The following LPP variants were observed in gnomAD, a reference collection of about 807,000 sequenced individuals.
LPP encodes LIM domain containing preferred translocation partner in lipoma, also known as lipoma-preferred partner.
In LPP, 38 loss-of-function variants were observed where a neutral mutation model predicts 60.4. The observed-to-expected ratio is 0.63, with a 90% CI of 0.49 to 0.83. The LOEUF (loss-of-function observed/expected upper bound fraction) is 0.83, where lower values mean the gene tolerates loss of function less well. LPP is among the 40% of genes least tolerant of loss of function. The pLI is 0.00. For missense variants in LPP, 902 were observed against 783.6 expected (o/e 1.15, Z -1.80); for synonymous variants, 328 against 290.8 (o/e 1.13, Z -1.30).
At chr3:188,377,971 C>G (rs1560321793) in intron 3 of LPP, among the ~76,000 whole-genome samples, 2 of 152,182 alleles carry the variant, frequency 1.3e-5, no homozygotes, top group Non-Finnish European at 2.9e-5. Context: ...TAGAGGTACA[C>G]TCCAGTCCCT....
At chr3:188,240,752 C>T (rs1724250668) in intron 2 of LPP, among the ~76,000 whole-genome samples, 3 of 152,190 alleles carry the variant, frequency 2.0e-5, no homozygotes, top group African/African-American at 7.2e-5. Context: ...GTGGGAGGAG[C>T]ATGGCAAGGG....
chr3:188,337,273 G>A (rs1016962937), intron 2 of LPP, among the ~76,000 whole-genome samples: 17 of 152,324 alleles, frequency 1.1e-4, no homozygotes, highest in Admixed American at 3.3e-4. Context: ...ACGGCATAGC[G>A]CAGTAGCTGC....
At chr3:188,596,913 G>A (rs1309386739) in intron 6 of LPP, among the ~76,000 whole-genome samples, 1 of 151,408 alleles carries the variant, frequency 6.6e-6, no homozygotes, top group African/African-American at 2.4e-5. Flanking sequence ...AGAAACTCTT[G>A]TATGAAAATA....
chr3:188,332,152 C>T (rs1760271985), intron 2 of LPP, among the ~76,000 whole-genome samples: 1 of 152,062 alleles, frequency 6.6e-6, no homozygotes, highest in African/African-American at 2.4e-5. Flanking sequence ...AGATTTCCTT[C>T]TAAACTTTTA....
chr3:188,816,174 G>A (rs1394889721), intron 9 of LPP, among the ~76,000 whole-genome samples: 2 of 147,764 alleles, frequency 1.4e-5, no homozygotes, highest in African/African-American at 5.0e-5. Context: ...CTTTATCTAA[G>A]CCTGAATTGT....
rs74872129 is a variant in LPP, at chr3:188,319,090, C to T, written c.-66-22573C>T. On this transcript the variant is annotated intron_variant, in intron 2 of 11. Coordinates refer to ENST00000617246, the MANE Select transcript of LPP (RefSeq NM_001375462.1). ...ATGATTCTTTGAAAAGGATTTTTCTCAGGTTAGTTTATATAGTTTCACAGA... is the reference window on the plus strand; with the variant it reads ...ATGATTCTTTGAAAAGGATTTTTCTTAGGTTAGTTTATATAGTTTCACAGA... Among the ~76,000 whole-genome samples, 1,140 of 152,260 alleles carry T rather than the reference C, an allele frequency of 7.5e-3. 55 individuals carry two copies. The South Asian group carries it at 0.12, about 16-fold the overall frequency.
At chr3:188,833,111 AGCAAATGATT>A (rs751972512) in intron 9 of LPP, among the ~76,000 whole-genome samples, 34 of 152,214 alleles carry the variant, frequency 2.2e-4, no homozygotes, top group Non-Finnish European at 4.6e-4. Flanking sequence ...GCTGTAAGTC[AGCAAATGATT>A]GCAAATGATG....
In LPP at chr3:188,318,753, C is replaced by CTTTTTTTTTTTTTTT. The variant is rs10708836; in HGVS notation, c.-66-22901_-66-22887dup. On this transcript the variant is annotated intron_variant, in intron 2 of 11. Transcript: ENST00000617246. ...AAAAAATTGAAAAAAAATTATGATT[C>CTTTTTTTTTTTTTTT]TTTTTTTTTTTTTTTTTTTTTTTGA... is the stretch of plus-strand genomic sequence containing the variant. Among the ~76,000 whole-genome samples the CTTTTTTTTTTTTTTT allele has an allele frequency of 8.3e-4, 80 of 96,830 alleles. 4 individuals are homozygous for CTTTTTTTTTTTTTTT. The highest frequency in any genetic ancestry group is 2.4e-3 in the Admixed American group (21 of 8,576). 63.5% of individuals were successfully genotyped at this position (96,830 alleles called of 152,430 possible).
chr3:188,171,535 G>A (rs1721586699), intron 1 of LPP, among the ~76,000 whole-genome samples: 1 of 152,202 alleles, frequency 6.6e-6, no homozygotes, highest in African/African-American at 2.4e-5. Flanking sequence ...TGATTGCAAT[G>A]GAGGCACAGA....
intron 4 of LPP, among the ~76,000 whole-genome samples, chr3:188,424,471 G>GT (rs1482682297): frequency 1.3e-5 from 2 of 152,074 alleles, no homozygotes; most frequent in African/African-American, 4.8e-5. Context: ...ATTTAAACTA[G>GT]TTTTTTCTAC....
chr3:188,609,125 G>T lies in LPP; in HGVS notation c.430-36G>T, dbSNP rs1255388247. ...TTGAGTTTCGTTGGCAGTAATTTTT[G>T]CTTTCTTTCTTTCTTTTTTTTCCTA... On this transcript the variant is annotated intron_variant, in intron 6 of 11. Transcript: ENST00000617246. The surrounding 1 kb of genome is among the most constrained non-coding windows in gnomAD (Gnocchi z 6.9). 5 of 1,430,446 alleles carry T rather than the reference G, an allele frequency of 3.5e-6. No homozygotes were observed. The highest frequency in any genetic ancestry group is 2.9e-5 in the African/African-American group (2 of 69,464). 88.6% of individuals were successfully genotyped at this position (1,430,446 alleles called of 1,614,324 possible).
Position 188,872,655 on chromosome 3 carries a change from G to T in LPP, c.1602G>T (p.Pro534=), listed in dbSNP as rs1009746138. Reference sequence around the variant, plus strand: ...TCTTCACTTTCAGGAAATTTGCCCCGCGATGTTCTGTGTGCAAGGAGCCTA... The same window carrying T: ...TCTTCACTTTCAGGAAATTTGCCCCTCGATGTTCTGTGTGCAAGGAGCCTA... ...CIEDFHKKFA[P]RCSVCKEPIM... Residue 534 remains proline, a synonymous_variant, in exon 11 of 12, where the codon CCG becomes CCT. Transcript: ENST00000617246. 8 of 1,614,026 alleles carry T rather than the reference G, an allele frequency of 5.0e-6. No homozygotes were observed. The highest frequency in any genetic ancestry group is 5.1e-6 in the Non-Finnish European group (6 of 1,179,974).
chr3:188,538,859 G>A lies in LPP; in HGVS notation c.429+14072G>A, dbSNP rs115339331. 2.5e-3 allele frequency among the ~76,000 whole-genome samples: 377 copies of A among 152,234 alleles called. 4 individuals carry two copies. Among genetic ancestry groups the A allele is most frequent in the African/African-American group, 8.7e-3 (362 of 41,542 alleles). ...ATATTACTCAGCCATAAAAAGGAACGAAGCTCTGCAACATGCTACGATATG... is the reference window on the plus strand; with the variant it reads ...ATATTACTCAGCCATAAAAAGGAACAAAGCTCTGCAACATGCTACGATATG... On this transcript the variant is annotated intron_variant, in intron 6 of 11. Coordinates refer to ENST00000617246, the MANE Select transcript of LPP (RefSeq NM_001375462.1).
At chr3:188,477,263 T>G (rs1241965416) in intron 4 of LPP, among the ~76,000 whole-genome samples, 1 of 152,172 alleles carries the variant, frequency 6.6e-6, no homozygotes, top group Admixed American at 6.5e-5. Context: ...AGCCAGATGC[T>G]CAGAGGTCTG....
intron 7 of LPP, among the ~76,000 whole-genome samples, chr3:188,630,596 C>T (rs550189111): frequency 2.0e-5 from 3 of 152,258 alleles, no homozygotes; most frequent in South Asian, 4.1e-4. Flanking sequence ...TACCATTTGA[C>T]CTAGCAATCC....
intron 2 of LPP, among the ~76,000 whole-genome samples, chr3:188,260,667 CTG>C (rs1733278599): frequency 6.6e-6 from 1 of 152,058 alleles, no homozygotes; most frequent in Non-Finnish European, 1.5e-5. Flanking sequence ...TTTAAGGCAA[CTG>C]TGACTCAACA....
chr3:188,607,401 AT>A (rs1560628693), intron 6 of LPP, among the ~76,000 whole-genome samples: 2,107 of 30,758 alleles, frequency 0.069, 98 homozygotes, highest in South Asian at 0.13. Context: ...ATATATATAT[AT>A]ATATATATAT....
At chr3:188,465,147 A>G (rs776893572) in intron 4 of LPP, among the ~76,000 whole-genome samples, 2 of 152,116 alleles carry the variant, frequency 1.3e-5, no homozygotes, top group Middle Eastern at 3.2e-3. Flanking sequence ...AATGTTCCTG[A>G]CTGAAATTTA....
At chr3:188,486,653 C>A (rs1806639299) in intron 5 of LPP, among the ~76,000 whole-genome samples, 1 of 152,122 alleles carries the variant, frequency 6.6e-6, no homozygotes, top group African/African-American at 2.4e-5. Context: ...CAGTAAATTG[C>A]AGTTGTAACC....
Sources: gnomAD v4.1 joint callset for allele counts (sites outside exome capture counted in the v4.1 genomes callset) on GRCh38, gnomAD v4.1.1 for gene constraint, Gnocchi (gnomAD v3.1) non-coding constraint, MANE v1.5 for transcripts, NCBI Gene and HGNC (gene_info 2026-07-23, HGNC 2026-07-21) for gene names.